EXOC4: variants seen among roughly 807,000 people sequenced by gnomAD.
EXOC4 encodes the protein exocyst complex component 4.
In EXOC4, 71 loss-of-function variants were observed where a neutral mutation model predicts 107.2. That is an observed-to-expected ratio of 0.66 (90% CI 0.55 to 0.81). The LOEUF (loss-of-function observed/expected upper bound fraction) is 0.81. Among genes scored for constraint, EXOC4 ranks in the 30% least tolerant of loss-of-function variants. EXOC4 has a pLI of 0.00. For missense variants in EXOC4, 1,108 were observed against 1,189.6 expected, an observed-to-expected ratio of 0.93 and a Z score of 1.01; for synonymous variants, 456 against 441.2, an observed-to-expected ratio of 1.03 and a Z score of -0.42.
intron 7 of EXOC4, among the ~76,000 whole-genome samples, chr7:133,388,013 A>G (rs916225232): frequency 6.6e-6 from 1 of 151,998 alleles, no homozygotes; most frequent in African/African-American, 2.4e-5. Flanking sequence ...CCAAAAACAA[A>G]AAAAAAAGAT....
At chr7:133,470,175 A>G (rs924839500) in intron 7 of EXOC4, among the ~76,000 whole-genome samples, 2 of 152,204 alleles carry the variant, frequency 1.3e-5, no homozygotes, top group Non-Finnish European at 2.9e-5. Context: ...GCTGGGATAA[A>G]TGGAGAAGCT....
rs1242678232 is a variant in EXOC4, at chr7:133,464,470, T to C, written c.1183-10858T>C. ...TTAAAGGAGTTCTCCAAGTGATTCC[T>C]ATGTGCAGACCAGTCTTCCCAGAAT... On this transcript the variant is annotated intron_variant, in intron 7 of 17. Transcript: ENST00000253861. Among the ~76,000 whole-genome samples the C allele has an allele frequency of 3.3e-5, 5 of 152,284 alleles. No homozygotes were observed. In the East Asian group the frequency reaches 7.7e-4, roughly 24 times the overall value.
intron 10 of EXOC4, among the ~76,000 whole-genome samples, chr7:133,683,842 G>A (rs1286715003): frequency 1.3e-5 from 2 of 152,038 alleles, no homozygotes; most frequent in Non-Finnish European, 2.9e-5. Flanking sequence ...AATATAACAA[G>A]CTGGTAAATA....
intron 9 of EXOC4, among the ~76,000 whole-genome samples, chr7:133,605,807 T>A (rs1801931409): frequency 6.6e-6 from 1 of 151,928 alleles, no homozygotes; most frequent in Admixed American, 6.6e-5. Context: ...AGCCACCAGG[T>A]TAAATGAAAT....
intron 1 of EXOC4, among the ~76,000 whole-genome samples, chr7:133,259,740 C>T (rs993888434): frequency 6.6e-6 from 1 of 152,148 alleles, no homozygotes; most frequent in Admixed American, 6.5e-5. Flanking sequence ...TGAACCTAAT[C>T]CCAGACCCCT....
chr7:133,929,180 C>G (rs1446220101), intron 13 of EXOC4, among the ~76,000 whole-genome samples: 1 of 151,984 alleles, frequency 6.6e-6, no homozygotes, highest in Non-Finnish European at 1.5e-5. Flanking sequence ...ATCTATTCGC[C>G]TTGGCCTCCC....
At chr7:133,294,819 G>C (rs1471459620) in intron 3 of EXOC4, among the ~76,000 whole-genome samples, 1 of 151,982 alleles carries the variant, frequency 6.6e-6, no homozygotes, top group Non-Finnish European at 1.5e-5. Flanking sequence ...AGATCCTTTG[G>C]AATTGGATAA....
At chr7:133,811,836 C>T (rs980117141) in intron 10 of EXOC4, among the ~76,000 whole-genome samples, 1 of 152,158 alleles carries the variant, frequency 6.6e-6, no homozygotes, top group Non-Finnish European at 1.5e-5. Flanking sequence ...AGGAGAAGGG[C>T]ATTACATGCC....
At position 133,890,506 on chromosome 7, in the gene EXOC4, T is replaced by C. The variant is rs533899053; in HGVS notation, c.1735-5093T>C. On this transcript the variant is annotated intron_variant, in intron 11 of 17. Transcript: ENST00000253861. ...GACATGAAGTCCTTGCCCACGCCTA[T>C]GTCCTGAATGGTAATTTCTAGGTTT... 5.0e-5 allele frequency among the ~76,000 whole-genome samples: 7 copies of C among 140,852 alleles called. No homozygotes were observed. In the South Asian group the frequency reaches 1.5e-3, roughly 30 times the overall value. 92.4% of individuals were successfully genotyped at this position (140,852 alleles called of 152,430 possible). A position where few individuals can be genotyped will look rare whatever the true frequency, so the allele number is the denominator to read the frequency against.
chr7:133,972,104 T>G (rs1038033172), intron 14 of EXOC4, among the ~76,000 whole-genome samples: 1 of 152,256 alleles, frequency 6.6e-6, no homozygotes, highest in Non-Finnish European at 1.5e-5. Context: ...CTTTCTGAGC[T>G]AATTAGAAAA....
At chr7:133,969,802 A>G (rs1379295786) in intron 14 of EXOC4, among the ~76,000 whole-genome samples, 1 of 152,202 alleles carries the variant, frequency 6.6e-6, no homozygotes, top group African/African-American at 2.4e-5. Flanking sequence ...TCTCCCAGTC[A>G]GGAGACACGG....
chr7:133,333,961 T>C (rs1243844745), intron 5 of EXOC4, among the ~76,000 whole-genome samples: 3 of 152,360 alleles, frequency 2.0e-5, no homozygotes, highest in African/African-American at 7.2e-5. Context: ...AATTTGCATA[T>C]TAGAAGGCTT....
At chr7:133,967,539 A>G (rs2116860344) in intron 14 of EXOC4, among the ~76,000 whole-genome samples, 1 of 152,192 alleles carries the variant, frequency 6.6e-6, no homozygotes, top group South Asian at 2.1e-4. Flanking sequence ...CTTTGTTCTC[A>G]TTGGTTTCAA....
At chr7:133,711,271 T>C (rs1794887764) in intron 10 of EXOC4, among the ~76,000 whole-genome samples, 1 of 152,246 alleles carries the variant, frequency 6.6e-6, no homozygotes, top group Non-Finnish European at 1.5e-5. Flanking sequence ...AGATTCAATC[T>C]GTCTGCAATG....
the EXOC4 span, among the ~76,000 whole-genome samples, chr7:134,093,920 G>C: frequency 1.6e-3 from 242 of 152,280 alleles, no homozygotes; most frequent in Middle Eastern, 0.01. Flanking sequence ...TGCAGCAAAA[G>C]CAGTGTTAAG....
intron 9 of EXOC4, among the ~76,000 whole-genome samples, chr7:133,574,552 T>A (rs1801088363): frequency 6.6e-6 from 1 of 152,212 alleles, no homozygotes; most frequent in South Asian, 2.1e-4. Context: ...ACTTTGTGTG[T>A]GTATAAGCCA....
intron 14 of EXOC4, among the ~76,000 whole-genome samples, chr7:133,946,517 A>C (rs990825398): frequency 6.6e-6 from 1 of 152,246 alleles, no homozygotes; most frequent in African/African-American, 2.4e-5. Context: ...TGATAATTGT[A>C]TGATGATCCA....
At chr7:133,570,524 C>T (rs1585004300) in intron 9 of EXOC4, among the ~76,000 whole-genome samples, 1 of 152,318 alleles carries the variant, frequency 6.6e-6, no homozygotes, top group East Asian at 1.9e-4. Flanking sequence ...ACCTGATCTC[C>T]AACCTCAGAG....
intron 10 of EXOC4, among the ~76,000 whole-genome samples, chr7:133,735,541 T>C (rs1288542284): frequency 1.3e-5 from 2 of 152,164 alleles, no homozygotes; most frequent in East Asian, 1.9e-4. Flanking sequence ...TTTGGAGATA[T>C]GATAGTCCTC....
Sources: gnomAD v4.1 joint callset for allele counts (sites outside exome capture counted in the v4.1 genomes callset) on GRCh38, gnomAD v4.1.1 for gene constraint, MANE v1.5 for transcripts, NCBI Gene and HGNC (gene_info 2026-07-23, HGNC 2026-07-21) for gene names.